The following BICC1 variants were observed in gnomAD, a reference collection of about 807,000 sequenced individuals.
BICC1 encodes protein bicaudal C homolog 1.
BICC1 carries 43 observed loss-of-function variants against 111.0 expected under a neutral mutation model. That is an observed-to-expected ratio of 0.39 (90% CI 0.30 to 0.50). The LOEUF (loss-of-function observed/expected upper bound fraction) is 0.50, where lower values mean the gene tolerates loss of function less well. Among genes scored for constraint, BICC1 ranks in the 20% least tolerant of loss-of-function variants. The pLI, the probability that BICC1 is intolerant of heterozygous loss-of-function variation, is 0.88. For synonymous variants in BICC1, 467 were observed against 434.4 expected (o/e 1.07, Z -0.93); for missense variants, 1,091 against 1,203.2 (o/e 0.91, Z 1.38).
chr10:58,592,694 G>A (rs927451339), intron 1 of BICC1, among the ~76,000 whole-genome samples: 1 of 150,074 alleles, frequency 6.7e-6, no homozygotes, highest in Non-Finnish European at 1.5e-5. Context: ...CAGCCTGGGT[G>A]ACAGAGTGAG....
Position 58,512,984 on chromosome 10 carries a change from G to T in BICC1, c.-160G>T, listed in dbSNP as rs968654826. On this transcript the variant is annotated 5_prime_UTR_variant, in exon 1 of 21. Coordinates refer to ENST00000373886, the MANE Select transcript of BICC1 (RefSeq NM_001080512.3). Reference sequence around the variant, plus strand: ...GCGCCCGGGGCTGGGATGCGCCGGGGGCTCAGTGGCGGCGGCGGCGTTGGC... The same window carrying T: ...GCGCCCGGGGCTGGGATGCGCCGGGTGCTCAGTGGCGGCGGCGGCGTTGGC... Among the ~76,000 whole-genome samples the T allele has an allele frequency of 5.5e-4, 81 of 148,290 alleles. No individual in the cohort carries two copies. The highest frequency in any genetic ancestry group is 1.9e-3 in the African/African-American group (80 of 41,154).
At chr10:58,711,813 T>TG (rs1158736739) in intron 3 of BICC1, among the ~76,000 whole-genome samples, 4 of 151,290 alleles carry the variant, frequency 2.6e-5, no homozygotes, top group Admixed American at 6.6e-5. Context: ...TTTTTGTTTT[T>TG]TTTTTTTAAA....
chr10:58,685,625 C>CCTT (rs1273641844), intron 2 of BICC1, among the ~76,000 whole-genome samples: 10 of 152,092 alleles, frequency 6.6e-5, no homozygotes, highest in Admixed American at 6.6e-4. Flanking sequence ...TATGTAATGG[C>CCTT]CTTCTTTGTC....
At chr10:58,768,574 A>T (rs1359068482) in intron 3 of BICC1, among the ~76,000 whole-genome samples, 1 of 152,208 alleles carries the variant, frequency 6.6e-6, no homozygotes, top group South Asian at 2.1e-4. Context: ...TATCCTAATG[A>T]TGGTGTTTAA....
chr10:58,738,239 T>A (rs1420888824), intron 3 of BICC1, among the ~76,000 whole-genome samples: 1 of 152,220 alleles, frequency 6.6e-6, no homozygotes, highest in Non-Finnish European at 1.5e-5. Flanking sequence ...AATTAAGTCT[T>A]TAATCCATCT....
intron 1 of BICC1, among the ~76,000 whole-genome samples, chr10:58,534,292 A>G (rs1051903273): frequency 1.3e-5 from 2 of 151,668 alleles, no homozygotes; most frequent in Non-Finnish European, 1.5e-5. Context: ...AAGAAGCAAC[A>G]TAGGAACTAA....
At chr10:58,826,184 A>G (rs368190661) in intron 20 of BICC1, among the ~76,000 whole-genome samples, 1 of 152,346 alleles carries the variant, frequency 6.6e-6, no homozygotes, top group Non-Finnish European at 1.5e-5. Flanking sequence ...AAGTCATTAT[A>G]TGACAACTTA....
chr10:58,583,041 A>T (rs867880206), intron 1 of BICC1, among the ~76,000 whole-genome samples: 5 of 152,112 alleles, frequency 3.3e-5, no homozygotes, highest in African/African-American at 1.2e-4. Flanking sequence ...CCAACACAGA[A>T]TTCCATCACC....
At chr10:58,609,693 GTCACACTT>G (rs1845351718) in intron 1 of BICC1, among the ~76,000 whole-genome samples, 2 of 152,154 alleles carry the variant, frequency 1.3e-5, no homozygotes, top group African/African-American at 4.8e-5. Context: ...ATTCAGACTA[GTCACACTT>G]TCAGTGTTCA....
At chr10:58,761,678 G>GA (rs1842320433) in intron 3 of BICC1, among the ~76,000 whole-genome samples, 1 of 151,998 alleles carries the variant, frequency 6.6e-6, no homozygotes, top group South Asian at 2.1e-4. Flanking sequence ...TAAGTGTGAG[G>GA]AAAAAATAAA....
chr10:58,761,461 T>G (rs1360827116), intron 3 of BICC1, among the ~76,000 whole-genome samples: 1 of 152,202 alleles, frequency 6.6e-6, no homozygotes, highest in Non-Finnish European at 1.5e-5. Flanking sequence ...TGCCCATCAA[T>G]GTAGATTTTT....
chr10:58,663,724 TCTCC>T (rs1216129460), intron 2 of BICC1, among the ~76,000 whole-genome samples: 11 of 152,178 alleles, frequency 7.2e-5, no homozygotes, highest in African/African-American at 2.7e-4. Flanking sequence ...CCCGAAACCA[TCTCC>T]CTGCCCCTGC....
chr10:58,662,513 A>G (rs1838875346), intron 2 of BICC1, among the ~76,000 whole-genome samples: 1 of 152,202 alleles, frequency 6.6e-6, no homozygotes, highest in African/African-American at 2.4e-5. Flanking sequence ...TTACAAGATG[A>G]GTAACACAAG....
chr10:58,668,737 C>T (rs1319144455), intron 2 of BICC1, among the ~76,000 whole-genome samples: 1 of 151,920 alleles, frequency 6.6e-6, no homozygotes, highest in Non-Finnish European at 1.5e-5. Flanking sequence ...ATTATTTTTC[C>T]TTCTCTTCTA....
intron 2 of BICC1, among the ~76,000 whole-genome samples, chr10:58,692,554 A>G (rs376854443): frequency 6.6e-6 from 1 of 152,248 alleles, no homozygotes; most frequent in Non-Finnish European, 1.5e-5. Context: ...AGTAAAACTA[A>G]TATTTATTCA....
At chr10:58,562,091 G>A (rs1843621029) in intron 1 of BICC1, among the ~76,000 whole-genome samples, 1 of 151,996 alleles carries the variant, frequency 6.6e-6, no homozygotes, top group Non-Finnish European at 1.5e-5. Context: ...AATGTGCCTT[G>A]GAGAGAACTT....
chr10:58,717,670 G>A (rs1840791178), intron 3 of BICC1, among the ~76,000 whole-genome samples: 1 of 152,162 alleles, frequency 6.6e-6, no homozygotes, highest in South Asian at 2.1e-4. Context: ...ATGACATTGG[G>A]TTGTTTTCTC....
intron 2 of BICC1, among the ~76,000 whole-genome samples, chr10:58,692,373 C>T (rs954232681): frequency 6.6e-6 from 1 of 152,134 alleles, no homozygotes; most frequent in African/African-American, 2.4e-5. Context: ...GAAAGGTAGT[C>T]TTCACTTTGC....
intron 2 of BICC1, among the ~76,000 whole-genome samples, chr10:58,623,363 G>A (rs534874239): frequency 2.0e-4 from 31 of 152,246 alleles, no homozygotes; most frequent in Middle Eastern, 3.4e-3. Flanking sequence ...AATAGTAGTT[G>A]TTAAGCTTAT....
Sources: allele counts gnomAD v4.1 joint callset (sites outside exome capture counted in the v4.1 genomes callset), GRCh38; gene constraint gnomAD v4.1.1; transcripts MANE v1.5; gene names NCBI Gene and HGNC (gene_info 2026-07-23, HGNC 2026-07-21).